Variants in C3orf70 observed in about 807,000 individuals in gnomAD.
The protein encoded by C3orf70 is UPF0524 protein C3orf70.
Under a neutral mutation model 20.7 loss-of-function variants are expected in C3orf70, and 15 were observed. The observed-to-expected ratio is 0.72, with a 90% CI of 0.48 to 1.11. C3orf70 has a LOEUF of 1.11. Among genes scored for constraint, C3orf70 ranks in the 50% most tolerant of loss-of-function variants. C3orf70 has a pLI of 0.00. For missense variants in C3orf70, 332 were observed against 317.6 expected (o/e 1.05, Z -0.34); for synonymous variants, 161 against 125.7 (o/e 1.28, Z -1.88).
intron 1 of C3orf70, among the ~76,000 whole-genome samples, chr3:185,143,577 C>T (rs1423904653): frequency 6.6e-6 from 1 of 151,896 alleles, no homozygotes; most frequent in Non-Finnish European, 1.5e-5. Flanking sequence ...AGTATGCTTA[C>T]AAAATACTCT....
intron 1 of C3orf70, among the ~76,000 whole-genome samples, chr3:185,129,320 G>C (rs139684499): frequency 4.6e-5 from 7 of 152,274 alleles, no homozygotes; most frequent in African/African-American, 1.7e-4. Flanking sequence ...GTGAGAACAT[G>C]CGCTATTTGG....
chr3:185,141,426 G>T (rs917840380), intron 1 of C3orf70, among the ~76,000 whole-genome samples: 3 of 150,976 alleles, frequency 2.0e-5, no homozygotes, highest in Admixed American at 6.6e-5. Flanking sequence ...TTATACCAGA[G>T]AAATGAAGAC....
chr3:185,152,537 C>G (rs1019951919), intron 1 of C3orf70, 91 bp downstream of exon 1: 51 of 1,207,136 alleles, frequency 4.2e-5, no homozygotes, highest in Middle Eastern at 2.5e-4. Flanking sequence ...CCCGGAGCCC[C>G]GCGGCCGCAG....
chr3:185,137,214 G>C (rs969749705), intron 1 of C3orf70, among the ~76,000 whole-genome samples: 3 of 152,178 alleles, frequency 2.0e-5, no homozygotes, highest in African/African-American at 7.2e-5. Flanking sequence ...CGCCATCCAC[G>C]TAAGATGTGA....
chr3:185,111,014 C>T (rs6444030), intron 1 of C3orf70, among the ~76,000 whole-genome samples: 143,103 of 152,202 alleles, frequency 0.94, 67,306 homozygotes, highest in Non-Finnish European at 0.95. Context: ...CTAGCGCTGC[C>T]GGGTTAGGGT....
intron 1 of C3orf70, among the ~76,000 whole-genome samples, chr3:185,094,531 C>T (rs1434517716): frequency 6.6e-6 from 1 of 151,896 alleles, no homozygotes; most frequent in Non-Finnish European, 1.5e-5. Flanking sequence ...CCAAGGGAGA[C>T]GGGATACAGT....
intron 1 of C3orf70, among the ~76,000 whole-genome samples, chr3:185,093,097 A>G (rs1169769184): frequency 6.6e-6 from 1 of 152,098 alleles, no homozygotes; most frequent in Non-Finnish European, 1.5e-5. Flanking sequence ...CACTAAACTG[A>G]CTTCAGCAAT....
chr3:185,152,213 A>G (rs775943740), intron 1 of C3orf70, among the ~76,000 whole-genome samples: 23 of 152,250 alleles, frequency 1.5e-4, no homozygotes, highest in Non-Finnish European at 2.6e-4. Flanking sequence ...AAAGAGGAGC[A>G]TCTTTAACCA....
Position 185,076,944 on chromosome 3 carries a change from A to G in C3orf70, c.*6063T>C, listed in dbSNP as rs990645207. Among the ~76,000 whole-genome samples the G allele has an allele frequency of 6.6e-5, 10 of 151,972 alleles. No individual in the cohort carries two copies. Among genetic ancestry groups the G allele is most frequent in the South Asian group, 2.1e-4 (1 of 4,832 alleles). ...AGGACTTGGCAATACAATTAGGTAG[A>G]GAGTTAAAACAGTAGAGTGCACACG... On this transcript the variant is annotated 3_prime_UTR_variant, in exon 2 of 2. Transcript: ENST00000335012.
chr3:185,115,371 T>A (rs557824697), intron 1 of C3orf70, among the ~76,000 whole-genome samples: 13 of 152,304 alleles, frequency 8.5e-5, no homozygotes, highest in Middle Eastern at 6.8e-3. Flanking sequence ...CCCTGTAGAC[T>A]TTACAGTAGA....
At chr3:185,085,812 C>G (rs1364096112) in intron 1 of C3orf70, among the ~76,000 whole-genome samples, 2 of 149,086 alleles carry the variant, frequency 1.3e-5, no homozygotes, top group Non-Finnish European at 3.0e-5. Context: ...GACCCTCCAG[C>G]CCCAGGATTA....
chr3:185,152,505 C>G (rs1717011581), intron 1 of C3orf70, 123 bp downstream of exon 1: 1 of 800,306 alleles, frequency 1.2e-6, no homozygotes, highest in African/African-American at 1.8e-5. Context: ...CCCCAGCCTC[C>G]GGCAGAGCAG....
At chr3:185,148,436 C>T (rs1352454500) in intron 1 of C3orf70, among the ~76,000 whole-genome samples, 7 of 152,160 alleles carry the variant, frequency 4.6e-5, no homozygotes, top group African/African-American at 1.7e-4. Flanking sequence ...TCTTCCCCTC[C>T]CTTCCCGACC....
chr3:185,146,848 A>G (rs944679547), intron 1 of C3orf70, among the ~76,000 whole-genome samples: 2 of 152,192 alleles, frequency 1.3e-5, no homozygotes, highest in Non-Finnish European at 2.9e-5. Flanking sequence ...TCACAATGCT[A>G]ATTTACTAAC....
intron 1 of C3orf70, among the ~76,000 whole-genome samples, chr3:185,131,567 CT>C (rs1482101581): frequency 2.0e-5 from 3 of 152,134 alleles, no homozygotes; most frequent in African/African-American, 4.8e-5. Context: ...TTGTAACAGA[CT>C]TTTTTCTGAC....
Position 185,080,298 on chromosome 3 carries a change from A to G in C3orf70, c.*2709T>C, listed in dbSNP as rs1715304296. ...AACTATTATTAAATCCAAAAATTCC[A>G]TTAAAATTGTGTCTAATCAGAATGG... is the stretch of plus-strand genomic sequence containing the variant. On this transcript the variant is annotated 3_prime_UTR_variant, in exon 2 of 2. Transcript: ENST00000335012. 6.6e-6 allele frequency: 1 copy of G among 152,632 alleles called. No individual in the cohort carries two copies. Among genetic ancestry groups the G allele is most frequent in the Non-Finnish European group, 1.5e-5 (1 of 68,036 alleles). The allele number at this position is 152,632 out of a possible 1,614,324, so 9.5% of individuals were successfully genotyped here. A position where few individuals can be genotyped will look rare whatever the true frequency, so the allele number is the denominator to read the frequency against.
intron 1 of C3orf70, among the ~76,000 whole-genome samples, chr3:185,134,359 T>C (rs1016024942): frequency 6.6e-6 from 1 of 152,088 alleles, no homozygotes; most frequent in Non-Finnish European, 1.5e-5. Flanking sequence ...CCCCACTAAG[T>C]ATAGCTAAAT....
rs1715347268 is a variant in C3orf70 at position 185,081,915 on chromosome 3, A to C, written c.*1092T>G. On this transcript the variant is annotated 3_prime_UTR_variant, in exon 2 of 2. Coordinates refer to ENST00000335012, the MANE Select transcript of C3orf70 (RefSeq NM_001025266.3). ...ACGAATGCTTCATACAACCAAATGA[A>C]GCAGAATTAATCAAACCTATTAGAT... The C allele has an allele frequency of 6.5e-6, 1 of 152,678 alleles. No individual in the cohort carries two copies. The highest frequency in any genetic ancestry group is 1.5e-5 in the Non-Finnish European group (1 of 68,048). The allele number at this position is 152,678 out of a possible 1,614,324, so 9.5% of individuals were successfully genotyped here.
At chr3:185,113,919 G>A (rs1716125476) in intron 1 of C3orf70, among the ~76,000 whole-genome samples, 1 of 152,142 alleles carries the variant, frequency 6.6e-6, no homozygotes, top group Non-Finnish European at 1.5e-5. Context: ...AACCAAATGG[G>A]CCGGGCGTGG....
Sources: allele counts gnomAD v4.1 joint callset (sites outside exome capture counted in the v4.1 genomes callset), GRCh38; gene constraint gnomAD v4.1.1; transcripts MANE v1.5; gene names NCBI Gene and HGNC (gene_info 2026-07-23, HGNC 2026-07-21).